The following PACS1 variants were observed in gnomAD, a reference collection of about 807,000 sequenced individuals.
PACS1 encodes the protein PACS-1.
Under a neutral mutation model 115.0 loss-of-function variants are expected in PACS1, and 24 were observed. That is an observed-to-expected ratio of 0.21 (90% CI 0.15 to 0.29). The LOEUF (loss-of-function observed/expected upper bound fraction) is 0.29. Among genes scored for constraint, PACS1 ranks in the 10% least tolerant of loss-of-function variants. The probability of loss-of-function intolerance (pLI) is 1.00; values close to 1 mark genes in which losing one functional copy is unlikely to be tolerated. For missense variants in PACS1, 838 were observed against 1,251.2 expected (o/e 0.67, Z 4.98); for synonymous variants, 453 against 504.5 (o/e 0.90, Z 1.37).
At chr11:66,154,759 A>G (rs984195802) in intron 1 of PACS1, among the ~76,000 whole-genome samples, 1 of 152,212 alleles carries the variant, frequency 6.6e-6, no homozygotes, top group Non-Finnish European at 1.5e-5. Context: ...AATTTTCTAC[A>G]AATTCATCTG....
chr11:66,207,588 T>C (rs760999220), intron 2 of PACS1, among the ~76,000 whole-genome samples: 11 of 152,224 alleles, frequency 7.2e-5, no homozygotes, highest in Non-Finnish European at 1.0e-4. Flanking sequence ...TATAGTTTAT[T>C]TGATGCATTC....
Position 66,227,528 on chromosome 11 carries a change from A to G in PACS1, c.1318A>G (p.Ile440Val). The part of the protein sequence containing the change: ...SPMELAALEK[I>V]KSTWIKNQDD... ...GATGGAATTGGCTGCTCTAGAAAAAATTAAATCTACTTGGATTAAAAACCA... is the reference window on the plus strand; with the variant it reads ...GATGGAATTGGCTGCTCTAGAAAAAGTTAAATCTACTTGGATTAAAAACCA... The change falls in exon 11 of 24, where the codon ATT (isoleucine) becomes GTT (valine). Residue 440 changes from isoleucine (I) to valine (V), a missense_variant. By Grantham distance (29) the Ile-to-Val change is conservative. Transcript: ENST00000320580. The G allele has an allele frequency of 6.2e-7, 1 of 1,610,600 alleles. No homozygotes were observed. Among genetic ancestry groups the G allele is most frequent in the Non-Finnish European group, 8.5e-7 (1 of 1,177,350 alleles).
At chr11:66,092,532 TC>T (rs1857684939) in intron 1 of PACS1, among the ~76,000 whole-genome samples, 1 of 151,780 alleles carries the variant, frequency 6.6e-6, no homozygotes, top group Non-Finnish European at 1.5e-5. Context: ...TTTAATTAGA[TC>T]CCATTTGTCA....
At chr11:66,137,226 A>C (rs1286253874) in intron 1 of PACS1, among the ~76,000 whole-genome samples, 1 of 151,138 alleles carries the variant, frequency 6.6e-6, no homozygotes, top group Non-Finnish European at 1.5e-5. Flanking sequence ...TTCTGCTAGT[A>C]CTTAAATGGA....
At chr11:66,102,641 T>C (rs942946965) in intron 1 of PACS1, among the ~76,000 whole-genome samples, 50 of 152,138 alleles carry the variant, frequency 3.3e-4, no homozygotes, top group African/African-American at 1.2e-3. Flanking sequence ...ACTATTATTA[T>C]TAAAAATACT....
At chr11:66,202,646 T>G (rs1029840983) in intron 2 of PACS1, among the ~76,000 whole-genome samples, 16 of 148,586 alleles carry the variant, frequency 1.1e-4, no homozygotes, top group African/African-American at 3.8e-4. Flanking sequence ...CCCAGCACTT[T>G]GGGAGGCCAA....
chr11:66,099,712 A>G (rs1027438200), intron 1 of PACS1, among the ~76,000 whole-genome samples: 1 of 150,878 alleles, frequency 6.6e-6, no homozygotes, highest in Non-Finnish European at 1.5e-5. Flanking sequence ...TACCCAGCTA[A>G]TTTTTGTATT....
intron 1 of PACS1, among the ~76,000 whole-genome samples, chr11:66,134,302 C>CCCAAG (rs1858787743): frequency 1.7e-5 from 2 of 114,842 alleles, no homozygotes; most frequent in African/African-American, 6.4e-5. Flanking sequence ...CGCTCTGTCC[C>CCCAAG]CCAAGCTGGA....
chr11:66,082,597 C>T (rs1857504898), intron 1 of PACS1, among the ~76,000 whole-genome samples: 1 of 152,112 alleles, frequency 6.6e-6, no homozygotes, highest in South Asian at 2.1e-4. Context: ...CGCTGTGGCT[C>T]ACGCCTGTAA....
intron 17 of PACS1, among the ~76,000 whole-genome samples, chr11:66,234,587 T>TA (rs1344333074): frequency 2.6e-5 from 4 of 152,328 alleles, no homozygotes; most frequent in African/African-American, 9.6e-5. Flanking sequence ...GATAAATGAA[T>TA]AGCACCCCAC....
intron 1 of PACS1, among the ~76,000 whole-genome samples, chr11:66,179,412 C>T (rs780458093): frequency 8.5e-5 from 13 of 152,238 alleles, no homozygotes; most frequent in Non-Finnish European, 1.5e-4. Context: ...GTTTAGACCT[C>T]GGGTGATCGG....
intron 1 of PACS1, among the ~76,000 whole-genome samples, chr11:66,089,622 G>A (rs866336555): frequency 2.6e-4 from 39 of 152,142 alleles, no homozygotes; most frequent in Non-Finnish European, 1.6e-4. Context: ...ATAGAAATAA[G>A]TAAATATAAC....
At chr11:66,147,373 A>G (rs903834249) in intron 1 of PACS1, among the ~76,000 whole-genome samples, 1 of 152,174 alleles carries the variant, frequency 6.6e-6, no homozygotes, top group African/African-American at 2.4e-5. Context: ...GGAAAATTCT[A>G]CCAATGGACA....
At chr11:66,100,834 C>G (rs1237023776) in intron 1 of PACS1, 6 of 456,144 alleles carry the variant, frequency 1.3e-5, no homozygotes, top group Non-Finnish European at 4.4e-6. Flanking sequence ...GGCTGGAACA[C>G]CTGTTATGGC....
rs184047884 is a variant in PACS1 at position 66,237,763 on chromosome 11, C to G, written c.2251-1041C>G. On this transcript the variant is annotated intron_variant, in intron 19 of 23. Transcript: ENST00000320580. ...ACAAATTAAAAACCAAAAGAGCTAG[C>G]AACCTCACCAAATGCCAGGCAAACA... is the stretch of plus-strand genomic sequence containing the variant. 3.9e-5 allele frequency among the ~76,000 whole-genome samples: 6 copies of G among 152,288 alleles called. No individual in the cohort carries two copies. The East Asian group carries it at 9.7e-4, about 25-fold the overall frequency.
intron 1 of PACS1, among the ~76,000 whole-genome samples, chr11:66,091,006 C>T (rs932637443): frequency 1.3e-5 from 2 of 152,084 alleles, no homozygotes; most frequent in African/African-American, 4.8e-5. Flanking sequence ...ATGATTTCTC[C>T]ACCCCAGTAA....
At chr11:66,073,740 A>G (rs555382339) in intron 1 of PACS1, among the ~76,000 whole-genome samples, 11 of 151,812 alleles carry the variant, frequency 7.2e-5, no homozygotes, top group Admixed American at 5.9e-4. Context: ...TGTTGATCAC[A>G]TTTTTCACCA....
intron 2 of PACS1, among the ~76,000 whole-genome samples, chr11:66,198,041 G>C (rs1854687858): frequency 6.6e-6 from 1 of 152,168 alleles, no homozygotes; most frequent in South Asian, 2.1e-4. Context: ...CACTGCTGTT[G>C]GGAATGTAAA....
Position 66,213,422 on chromosome 11 carries a change from C to T in PACS1, c.660+2163C>T, listed in dbSNP as rs1159056425. Among the ~76,000 whole-genome samples the T allele has an allele frequency of 2.6e-5, 4 of 152,208 alleles. No individual in the cohort carries two copies. In the East Asian group the frequency reaches 5.8e-4, roughly 22 times the overall value. On this transcript the variant is annotated intron_variant, in intron 4 of 23. Transcript: ENST00000320580. ...GGCTCATCTTGTACTTTCCCTGACCCAGCTCCCAGAATGAGCAGATTCTCT... is the reference window on the plus strand; with the variant it reads ...GGCTCATCTTGTACTTTCCCTGACCTAGCTCCCAGAATGAGCAGATTCTCT...
Sources: allele counts gnomAD v4.1 joint callset (sites outside exome capture counted in the v4.1 genomes callset), GRCh38; gene constraint gnomAD v4.1.1; transcripts MANE v1.5; gene names NCBI Gene and HGNC (gene_info 2026-07-23, HGNC 2026-07-21).